Variants in CUL5 observed in about 807,000 individuals in gnomAD.
CUL5 encodes cullin 5, also known as cullin-5.
Under a neutral mutation model 108.8 loss-of-function variants are expected in CUL5, and 26 were observed. That is an observed-to-expected ratio of 0.24 (90% CI 0.18 to 0.33). CUL5 has a LOEUF of 0.33. CUL5 is among the 10% of genes least tolerant of loss of function. CUL5 has a pLI of 1.00. For missense variants in CUL5, 524 were observed against 909.2 expected, an observed-to-expected ratio of 0.58 and a Z score of 5.45; for synonymous variants, 334 against 298.0, an observed-to-expected ratio of 1.12 and a Z score of -1.25.
chr11:108,046,264 T>C lies in CUL5; in HGVS notation c.135-6T>C. The stretch of plus-strand genomic sequence containing the variant: ...TAATGTTTGTTTACCTACTTTATAT[T>C]CACAGGGATGTGCATGCAGTCTGTC... On this transcript the variant is annotated splice_polypyrimidine_tract_variant and splice_region_variant and intron_variant, in intron 2 of 18. Transcript: ENST00000393094. 1 of 1,586,496 alleles carries C rather than the reference T, an allele frequency of 6.3e-7. No individual in the cohort carries two copies.
At chr11:108,085,858 GTTCTAAAATT>G (rs1190256086) in intron 11 of CUL5, among the ~76,000 whole-genome samples, 10 of 152,086 alleles carry the variant, frequency 6.6e-5, no homozygotes, top group Non-Finnish European at 8.8e-5. Flanking sequence ...TAATGAAAGT[GTTCTAAAATT>G]TTATTATGGT....
chr11:108,034,522 A>G (rs1862678862), intron 2 of CUL5, among the ~76,000 whole-genome samples: 1 of 152,186 alleles, frequency 6.6e-6, no homozygotes, highest in Non-Finnish European at 1.5e-5. Flanking sequence ...TAGGGGATGC[A>G]GTCTCAGGGG....
rs553128882 is a variant in CUL5, at chr11:108,010,420, G to T, written c.24+1048G>T. 3.9e-5 allele frequency among the ~76,000 whole-genome samples: 6 copies of T among 152,334 alleles called. 1 individual carries two copies. The South Asian group carries it at 1.2e-3, about 32-fold the overall frequency. On this transcript the variant is annotated intron_variant, in intron 1 of 18. Transcript: ENST00000393094. ...ACCACTGATATTTGATTGTCTAATA[G>T]ATGGGACTGTCTCATAAAATGAAGA...
chr11:108,059,686 G>T (rs888450460), intron 7 of CUL5, among the ~76,000 whole-genome samples: 4 of 151,978 alleles, frequency 2.6e-5, no homozygotes, highest in African/African-American at 7.3e-5. Context: ...AGACCAGCCT[G>T]GCCAACACGG....
intron 1 of CUL5, among the ~76,000 whole-genome samples, chr11:108,015,127 G>A (rs983514355): frequency 1.3e-5 from 2 of 152,126 alleles, no homozygotes; most frequent in African/African-American, 4.8e-5. Flanking sequence ...TTGAACTCCT[G>A]ACCTTAAGTG....
At chr11:108,096,717 C>G (rs1331508535) in intron 16 of CUL5, among the ~76,000 whole-genome samples, 1 of 151,682 alleles carries the variant, frequency 6.6e-6, no homozygotes. Context: ...CAGGCATGTG[C>G]CACCACACTC....
rs563038679 is a variant in CUL5, at chr11:108,045,922, T to A, written c.135-348T>A. Among the ~76,000 whole-genome samples the A allele has an allele frequency of 2.6e-5, 4 of 152,198 alleles. No homozygotes were observed. In the East Asian group the frequency reaches 5.8e-4, roughly 22 times the overall value. On this transcript the variant is annotated intron_variant, in intron 2 of 18. Coordinates refer to ENST00000393094, the MANE Select transcript of CUL5 (RefSeq NM_003478.6). ...AAAAGGACAAAATAGTATACATCTA[T>A]TGTGTTAAAGAATTAAAAGGATTTG... is the stretch of plus-strand genomic sequence containing the variant.
At chr11:108,018,345 T>C (rs539568538) in intron 1 of CUL5, among the ~76,000 whole-genome samples, 13 of 152,318 alleles carry the variant, frequency 8.5e-5, no homozygotes, top group Admixed American at 2.0e-4. Context: ...GTTCCATGTC[T>C]GTGGATTCAA....
At chr11:108,086,960 T>C (rs2135220344) in intron 11 of CUL5, among the ~76,000 whole-genome samples, 1 of 152,300 alleles carries the variant, frequency 6.6e-6, no homozygotes, top group South Asian at 2.1e-4. Flanking sequence ...ATTTTTGTGT[T>C]CTCTTTTTAT....
At position 108,105,695 on chromosome 11, in the gene CUL5, A is replaced by G. The variant is rs1864782234; in HGVS notation, c.*1311A>G. The G allele has an allele frequency of 2.0e-5, 3 of 152,224 alleles. No individual in the cohort carries two copies. In the South Asian group the frequency reaches 6.2e-4, roughly 32 times the overall value. 9.4% of individuals were successfully genotyped at this position (152,224 alleles called of 1,614,324 possible). On this transcript the variant is annotated 3_prime_UTR_variant, in exon 19 of 19. Transcript: ENST00000393094. ...GGACGTGAACAACTTGAAAGAGAAAATTGATTCCCCTTGAGGAAAGAATGG... is the reference window on the plus strand; with the variant it reads ...GGACGTGAACAACTTGAAAGAGAAAGTTGATTCCCCTTGAGGAAAGAATGG...
At chr11:108,079,443 A>G (rs1864018227) in intron 11 of CUL5, among the ~76,000 whole-genome samples, 1 of 152,178 alleles carries the variant, frequency 6.6e-6, no homozygotes, top group Non-Finnish European at 1.5e-5. Context: ...CAAACTTACA[A>G]TAGAGTTACT....
At chr11:108,079,560 C>G (rs1864021157) in intron 11 of CUL5, among the ~76,000 whole-genome samples, 1 of 152,204 alleles carries the variant, frequency 6.6e-6, no homozygotes. Context: ...AGTCCCTAAA[C>G]ACTTCAGCAT....
At chr11:108,024,748 A>G (rs1283306540) in intron 1 of CUL5, among the ~76,000 whole-genome samples, 1 of 152,244 alleles carries the variant, frequency 6.6e-6, no homozygotes, top group Non-Finnish European at 1.5e-5. Context: ...TGGCCTTTAT[A>G]ATCCCCAATT....
intron 2 of CUL5, among the ~76,000 whole-genome samples, chr11:108,042,218 C>CTTTTTTTT (rs11440201): frequency 8.1e-6 from 1 of 124,094 alleles, no homozygotes; most frequent in Non-Finnish European, 1.6e-5. Context: ...ATCCACAATT[C>CTTTTTTTT]TTTTTTTTTT....
At chr11:108,088,782 C>T (rs927591691) in intron 12 of CUL5, 123 bp downstream of exon 12, 8 of 735,684 alleles carry the variant, frequency 1.1e-5, no homozygotes, top group East Asian at 3.3e-5. Flanking sequence ...ACTAATGTTA[C>T]GAAGATTTGC....
intron 2 of CUL5, among the ~76,000 whole-genome samples, chr11:108,045,821 G>T (rs1199158003): frequency 6.6e-6 from 1 of 152,064 alleles, no homozygotes; most frequent in Non-Finnish European, 1.5e-5. Flanking sequence ...GATTGTGCCA[G>T]TGCACACTAG....
intron 1 of CUL5, among the ~76,000 whole-genome samples, chr11:108,028,924 C>A (rs963601041): frequency 6.6e-6 from 1 of 152,174 alleles, no homozygotes; most frequent in African/African-American, 2.4e-5. Context: ...TTTATAATGG[C>A]CTTCAGGGTC....
intron 1 of CUL5, among the ~76,000 whole-genome samples, chr11:108,030,014 AGT>A (rs978701317): frequency 1.3e-5 from 2 of 152,232 alleles, no homozygotes; most frequent in Non-Finnish European, 2.9e-5. Context: ...AGTCAAGAAA[AGT>A]GTTCTTTCTA....
chr11:108,078,701 C>G (rs1161320194), intron 11 of CUL5, among the ~76,000 whole-genome samples: 1 of 152,026 alleles, frequency 6.6e-6, no homozygotes, highest in Non-Finnish European at 1.5e-5. Flanking sequence ...ATAGCACTTT[C>G]AGAGTAGTAC....
Sources: gnomAD v4.1 joint callset for allele counts (sites outside exome capture counted in the v4.1 genomes callset) on GRCh38, gnomAD v4.1.1 for gene constraint, MANE v1.5 for transcripts, NCBI Gene and HGNC (gene_info 2026-07-23, HGNC 2026-07-21) for gene names.